Variants in XYLT1 observed in about 807,000 individuals in gnomAD.
The protein encoded by XYLT1 is xylosyltransferase 1, also known as beta-D-xylosyltransferase 1.
Under a neutral mutation model 91.3 loss-of-function variants are expected in XYLT1, and 36 were observed. The ratio of observed to expected loss-of-function variants is 0.39; its 90% CI spans 0.30 to 0.52. The LOEUF (loss-of-function observed/expected upper bound fraction) is 0.52, where lower values mean the gene tolerates loss of function less well. XYLT1 is among the 20% of genes least tolerant of loss of function. XYLT1 has a pLI of 0.68. For synonymous variants in XYLT1, 588 were observed against 532.0 expected, an observed-to-expected ratio of 1.11 and a Z score of -1.45; for missense variants, 1,242 against 1,284.5, an observed-to-expected ratio of 0.97 and a Z score of 0.51.
intron 9 of XYLT1, among the ~76,000 whole-genome samples, chr16:17,133,872 A>G (rs1296214149): frequency 2.6e-5 from 4 of 152,182 alleles, no homozygotes. Context: ...TCTGCCTATT[A>G]ATTTTCTTTG....
At chr16:17,202,951 G>A (rs947442818) in intron 3 of XYLT1, among the ~76,000 whole-genome samples, 2 of 152,082 alleles carry the variant, frequency 1.3e-5, no homozygotes, top group Non-Finnish European at 2.9e-5. Context: ...AGCCCTTGAC[G>A]TTCATTAGAT....
At chr16:17,208,603 C>G (rs1056800564) in intron 3 of XYLT1, among the ~76,000 whole-genome samples, 1 of 152,166 alleles carries the variant, frequency 6.6e-6, no homozygotes, top group Non-Finnish European at 1.5e-5. Context: ...TTGCATTAAG[C>G]ATTTATGTAT....
intron 2 of XYLT1, among the ~76,000 whole-genome samples, chr16:17,289,483 CGTAA>C (rs1264227294): frequency 2.0e-5 from 3 of 152,180 alleles, no homozygotes; most frequent in Non-Finnish European, 2.9e-5. Context: ...GTTTCCCCAG[CGTAA>C]GTGTGTCTCA....
chr16:17,273,966 C>T lies in XYLT1; in HGVS notation c.403-14468G>A, dbSNP rs546260260. ...TCGATCTGTCGTCCAGGCTGGAGCG[C>T]AGTAGCATGATCTCGGCTCACTGCA... On this transcript the variant is annotated intron_variant, in intron 2 of 11. Transcript: ENST00000261381. Among the ~76,000 whole-genome samples, 518 of 151,964 alleles carry T rather than the reference C, an allele frequency of 3.4e-3. 5 individuals carry two copies. The highest frequency in any genetic ancestry group is 0.012 in the African/African-American group (497 of 41,448).
chr16:17,178,207 G>C (rs1411713630), intron 5 of XYLT1, among the ~76,000 whole-genome samples: 1 of 152,174 alleles, frequency 6.6e-6, no homozygotes, highest in Non-Finnish European at 1.5e-5. Flanking sequence ...TGATGGGTGA[G>C]CTGTGTTTCA....
chr16:17,448,934 C>A (rs1305965842), intron 1 of XYLT1, among the ~76,000 whole-genome samples: 2 of 152,208 alleles, frequency 1.3e-5, no homozygotes, highest in African/African-American at 2.4e-5. Context: ...GGCACAAAGA[C>A]TTCAGTCACA....
chr16:17,292,030 A>C (rs1001633055), intron 2 of XYLT1, among the ~76,000 whole-genome samples: 2 of 151,898 alleles, frequency 1.3e-5, no homozygotes, highest in African/African-American at 4.8e-5. Context: ...CTACAAAAAA[A>C]CCCATAAATA....
chr16:17,278,483 T>C (rs1423176954), intron 2 of XYLT1, among the ~76,000 whole-genome samples: 3 of 152,190 alleles, frequency 2.0e-5, no homozygotes, highest in African/African-American at 7.2e-5. Context: ...CAGAGGAGTT[T>C]GACAAGGCGA....
chr16:17,260,863 G>C (rs546981250), intron 2 of XYLT1, among the ~76,000 whole-genome samples: 1 of 152,226 alleles, frequency 6.6e-6, no homozygotes, highest in Admixed American at 6.5e-5. Flanking sequence ...TGAGTTAAAA[G>C]GCCTCCTCCT....
At chr16:17,424,282 C>T (rs1427548154) in intron 1 of XYLT1, among the ~76,000 whole-genome samples, 1 of 152,216 alleles carries the variant, frequency 6.6e-6, no homozygotes, top group Non-Finnish European at 1.5e-5. Flanking sequence ...AAAGCAAGGA[C>T]ACCTTCTAGC....
chr16:17,437,756 A>G (rs1216355063), intron 1 of XYLT1, among the ~76,000 whole-genome samples: 2 of 152,214 alleles, frequency 1.3e-5, no homozygotes, highest in Non-Finnish European at 2.9e-5. Context: ...GGAGCTCTCC[A>G]AAGTGTTTAG....
At chr16:17,165,445 G>T (rs2031654436) in intron 5 of XYLT1, among the ~76,000 whole-genome samples, 1 of 152,074 alleles carries the variant, frequency 6.6e-6, no homozygotes, top group Non-Finnish European at 1.5e-5. Context: ...TCAGCACTTT[G>T]GGAGGCCAAG....
chr16:17,401,237 G>A (rs983501595), intron 1 of XYLT1, among the ~76,000 whole-genome samples: 3 of 152,172 alleles, frequency 2.0e-5, no homozygotes, highest in Admixed American at 2.0e-4. Context: ...CAAGGGAAAC[G>A]GACTTCAGAT....
rs558198931 is a variant in XYLT1, at chr16:17,239,860, T to C, written c.913+19128A>G. On this transcript the variant is annotated intron_variant, in intron 3 of 11. Coordinates refer to ENST00000261381, the MANE Select transcript of XYLT1 (RefSeq NM_022166.4). The stretch of plus-strand genomic sequence containing the variant: ...ACTTATCTTTTTATCCATCCATTAA[T>C]TGACTCATCCCATCCATGTTTTCAT... Among the ~76,000 whole-genome samples the C allele has an allele frequency of 1.3e-3, 198 of 152,266 alleles. 2 individuals carry two copies. Among genetic ancestry groups the C allele is most frequent in the Non-Finnish European group, 2.8e-4 (19 of 68,016 alleles).
intron 2 of XYLT1, among the ~76,000 whole-genome samples, chr16:17,310,574 G>C (rs138039272): frequency 6.6e-6 from 1 of 152,198 alleles, no homozygotes; most frequent in Admixed American, 6.5e-5. Flanking sequence ...AGGCAGGCCC[G>C]GCGCAGTGGC....
At chr16:17,357,172 C>CAAAAAAAA (rs1168668915) in intron 2 of XYLT1, among the ~76,000 whole-genome samples, 4 of 41,676 alleles carry the variant, frequency 9.6e-5, no homozygotes, top group Non-Finnish European at 5.1e-5. Flanking sequence ...GACTCGGTCT[C>CAAAAAAAA]AAAAAAAAAA....
chr16:17,261,765 G>A (rs1374188922), intron 2 of XYLT1, among the ~76,000 whole-genome samples: 1 of 152,106 alleles, frequency 6.6e-6, no homozygotes, highest in East Asian at 1.9e-4. Context: ...GAGCTGGGAG[G>A]TAACAAGGTA....
intron 6 of XYLT1, among the ~76,000 whole-genome samples, chr16:17,141,940 G>A (rs1027405498): frequency 7.2e-5 from 11 of 152,080 alleles, no homozygotes; most frequent in South Asian, 2.1e-4. Context: ...GTCGTGTTCC[G>A]TTGCCTAGGC....
rs566927285 is a variant in XYLT1 at position 17,301,792 on chromosome 16, T to C, written c.403-42294A>G. ...CGGAGGTTTACAAAAGTGGAAAGAC[T>C]AGGCCAGAGGTCAGCATCTGAGCTG... is the stretch of plus-strand genomic sequence containing the variant. On this transcript the variant is annotated intron_variant, in intron 2 of 11. Transcript: ENST00000261381. 9.8e-5 allele frequency among the ~76,000 whole-genome samples: 15 copies of C among 152,352 alleles called. 1 individual carries two copies. In the South Asian group the frequency reaches 3.1e-3, roughly 32 times the overall value.
Sources: gnomAD v4.1 joint callset for allele counts (sites outside exome capture counted in the v4.1 genomes callset) on GRCh38, gnomAD v4.1.1 for gene constraint, MANE v1.5 for transcripts, NCBI Gene and HGNC (gene_info 2026-07-23, HGNC 2026-07-21) for gene names.